The following PTDSS2 variants were observed in gnomAD, a reference collection of about 807,000 sequenced individuals.
The protein encoded by PTDSS2 is PSS-2.
Under a neutral mutation model 64.7 loss-of-function variants are expected in PTDSS2, and 41 were observed. The observed-to-expected ratio is 0.63, with a 90% CI of 0.49 to 0.82. The LOEUF (loss-of-function observed/expected upper bound fraction) is 0.82, where lower values mean the gene tolerates loss of function less well. Ranked by LOEUF, PTDSS2 falls within the 40% of genes least tolerant of loss-of-function variation. The probability of loss-of-function intolerance (pLI) is 0.00; values close to 1 mark genes in which losing one functional copy is unlikely to be tolerated. For missense variants in PTDSS2, 485 were observed against 650.0 expected, an observed-to-expected ratio of 0.75 and a Z score of 2.76; for synonymous variants, 297 against 277.8, an observed-to-expected ratio of 1.07 and a Z score of -0.69.
intron 1 of PTDSS2, among the ~76,000 whole-genome samples, chr11:455,812 A>G (rs1846561897): frequency 6.6e-6 from 1 of 152,150 alleles, no homozygotes; most frequent in Non-Finnish European, 1.5e-5. Context: ...TTTTCTCTAT[A>G]ACGTGTAGGG....
At chr11:478,472 C>T (rs550588739) in intron 3 of PTDSS2, among the ~76,000 whole-genome samples, 265 of 151,442 alleles carry the variant, frequency 1.7e-3, no homozygotes, top group Admixed American at 2.7e-3. Flanking sequence ...AGTGGCCAGC[C>T]ACAGTAGCTC....
intron 8 of PTDSS2, 190 bp from the exon 9 acceptor site, chr11:489,209 CG>C (rs1199835321): frequency 6.6e-6 from 4 of 606,232 alleles, no homozygotes; most frequent in African/African-American, 5.5e-5. Context: ...GGAGAACAGC[CG>C]GGCAGCAGCT....
chr11:459,974 T>G, intron 1 of PTDSS2: 1 of 550,608 alleles, frequency 1.8e-6, no homozygotes, highest in Non-Finnish European at 3.3e-6. Flanking sequence ...CTGTCCAGCC[T>G]CCTGGGGGCT....
chr11:470,293 G>A lies in PTDSS2; in HGVS notation c.285-3602G>A, dbSNP rs558064218. On this transcript the variant is annotated intron_variant, in intron 2 of 11. Coordinates refer to ENST00000308020, the MANE Select transcript of PTDSS2 (RefSeq NM_030783.3). This position sits in a 1 kb window ranked among gnomAD's most constrained non-coding sequence, Gnocchi z 5.3. ...GCTGCTGCCCCATCCTCCCAACCCC[G>A]ACGACCCCAGCCCGGCCATGCAGAG... Among the ~76,000 whole-genome samples the A allele has an allele frequency of 2.0e-5, 3 of 152,282 alleles. No homozygotes were observed. Among genetic ancestry groups the A allele is most frequent in the South Asian group, 2.1e-4 (1 of 4,826 alleles).
intron 2 of PTDSS2, among the ~76,000 whole-genome samples, chr11:471,714 G>A (rs1402648311): frequency 6.7e-6 from 1 of 149,496 alleles, no homozygotes; most frequent in Admixed American, 6.7e-5. Context: ...GTGGCCTGGG[G>A]TGACGTGGAT....
chr11:490,803 TGTGTACGC>T lies in PTDSS2; in HGVS notation c.*223_*230del. The T allele has an allele frequency of 1.7e-6, 1 of 577,672 alleles. No homozygotes were observed. The highest frequency in any genetic ancestry group is 3.1e-6 in the Non-Finnish European group (1 of 327,610). 35.8% of individuals were successfully genotyped at this position (577,672 alleles called of 1,614,324 possible). On this transcript the variant is annotated 3_prime_UTR_variant, in exon 12 of 12. Transcript: ENST00000308020. Reference sequence around the variant, plus strand: ...ACGTGTGTATGCGTGTGTGTACGCGTGTGTACGCGCGTGTGTACACATGCGTGGCCGCC... The same window carrying T: ...ACGTGTGTATGCGTGTGTGTACGCGTGCGTGTGTACACATGCGTGGCCGCC...
intron 4 of PTDSS2, among the ~76,000 whole-genome samples, chr11:481,449 T>A (rs1190040771): frequency 6.6e-6 from 1 of 152,230 alleles, no homozygotes; most frequent in African/African-American, 2.4e-5. Context: ...GGGAGTAGTG[T>A]CATCCTGACA....
rs189011735 is a variant in PTDSS2, at chr11:480,953, G to A, written c.435+1801G>A. On this transcript the variant is annotated intron_variant, in intron 4 of 11. Transcript: ENST00000308020. ...TAAAAAATTAGCCGGGCGTGGTCGC[G>A]GGCGCCTGTAGTCCCAGCTGCTCGG... Among the ~76,000 whole-genome samples, 7 of 152,074 alleles carry A rather than the reference G, an allele frequency of 4.6e-5. No homozygotes were observed. In the East Asian group the frequency reaches 5.8e-4, roughly 13 times the overall value.
rs779109748 is a variant in PTDSS2 at position 461,409 on chromosome 11, C to A, written c.284+1121C>A. On this transcript the variant is annotated intron_variant, in intron 2 of 11. Transcript: ENST00000308020. The surrounding 1 kb of genome is among the most constrained non-coding windows in gnomAD (Gnocchi z 4.2). ...CGCACAGCAGACCTCATAACTGAGT[C>A]CATCTCCCTGGGGGCAGTGGGGCAT... Among the ~76,000 whole-genome samples, 5 of 152,126 alleles carry A rather than the reference C, an allele frequency of 3.3e-5. No individual in the cohort carries two copies. The highest frequency in any genetic ancestry group is 7.4e-5 in the Non-Finnish European group (5 of 68,018).
intron 1 of PTDSS2, among the ~76,000 whole-genome samples, chr11:454,874 T>C (rs947045215): frequency 1.3e-5 from 2 of 152,236 alleles, no homozygotes; most frequent in Non-Finnish European, 2.9e-5. Flanking sequence ...TTGGTGCTGG[T>C]GGGACACAGG....
In PTDSS2 at chr11:461,280, G is replaced by A. The variant is rs115722700; in HGVS notation, c.284+992G>A. ...TGAACGTCATCACGCTTGCACGGGC[G>A]TTGGTGGCCCTGTTTGCCCACTGAT... On this transcript the variant is annotated intron_variant, in intron 2 of 11. Coordinates refer to ENST00000308020, the MANE Select transcript of PTDSS2 (RefSeq NM_030783.3). This position sits in a 1 kb window ranked among gnomAD's most constrained non-coding sequence, Gnocchi z 4.2. Among the ~76,000 whole-genome samples, 2,815 of 152,334 alleles carry A rather than the reference G, an allele frequency of 0.018. 85 individuals carry two copies. Among genetic ancestry groups the A allele is most frequent in the African/African-American group, 0.064 (2,643 of 41,568 alleles).
rs1031119916 is a variant in PTDSS2, at chr11:459,801, T to G, written c.183-386T>G. On this transcript the variant is annotated intron_variant, in intron 1 of 11. Coordinates refer to ENST00000308020, the MANE Select transcript of PTDSS2 (RefSeq NM_030783.3). Reference sequence around the variant, plus strand: ...GCTGCACTGAATCTCAGATGTTATTTCATGAACCCAAAGAGTTGTTGTCTC... The same window carrying G: ...GCTGCACTGAATCTCAGATGTTATTGCATGAACCCAAAGAGTTGTTGTCTC... 3 of 208,044 alleles carry G rather than the reference T, an allele frequency of 1.4e-5. No individual in the cohort carries two copies. In the East Asian group the frequency reaches 4.0e-4, roughly 28 times the overall value. The allele number at this position is 208,044 out of a possible 1,614,324, so 12.9% of individuals were successfully genotyped here.
intron 2 of PTDSS2, among the ~76,000 whole-genome samples, chr11:471,670 C>T (rs72479382): frequency 0.22 from 32,533 of 148,006 alleles, 3,637 homozygotes; most frequent in African/African-American, 0.32. Flanking sequence ...TGGTGGATGG[C>T]GGCCTGGGGT....
At chr11:473,764 C>G (rs940660197) in intron 2 of PTDSS2, 131 bp from the exon 3 acceptor site, 1 of 741,992 alleles carries the variant, frequency 1.3e-6, no homozygotes, top group South Asian at 1.5e-5. Context: ...CAGCTCTGCC[C>G]GAGGCCCCTT....
At chr11:472,529 G>A in intron 2 of PTDSS2, among the ~76,000 whole-genome samples, 1 of 152,224 alleles carries the variant, frequency 6.6e-6, no homozygotes, top group East Asian at 1.9e-4. Context: ...GTCCTGCCGA[G>A]GGTGAGACCC....
intron 1 of PTDSS2, among the ~76,000 whole-genome samples, chr11:458,325 C>T (rs1385711592): frequency 1.3e-5 from 2 of 151,670 alleles, no homozygotes; most frequent in Non-Finnish European, 2.9e-5. Context: ...CTGCCTCAGC[C>T]TCCCGAGTAG....
chr11:490,780 G>C lies in PTDSS2; in HGVS notation c.*198G>C. On this transcript the variant is annotated 3_prime_UTR_variant, in exon 12 of 12. Transcript: ENST00000308020. Reference sequence around the variant, plus strand: ...CATCTCCATGTGTACACGTGTGTACGTGTGTATGCGTGTGTGTACGCGTGT... The same window carrying C: ...CATCTCCATGTGTACACGTGTGTACCTGTGTATGCGTGTGTGTACGCGTGT... 1.6e-6 allele frequency: 1 copy of C among 611,072 alleles called. No individual in the cohort carries two copies. Among genetic ancestry groups the C allele is most frequent in the Non-Finnish European group, 2.9e-6 (1 of 348,374 alleles). The allele number at this position is 611,072 out of a possible 1,614,324, so 37.9% of individuals were successfully genotyped here.
In PTDSS2 at chr11:460,277, C is replaced by T; in HGVS notation, c.273C>T (p.Tyr91=). 6.2e-7 allele frequency: 1 copy of T among 1,613,810 alleles called. No individual in the cohort carries two copies. Among genetic ancestry groups the T allele is most frequent in the Non-Finnish European group, 8.5e-7 (1 of 1,179,666 alleles). ...AGGAAACACCTCAGGACACGGCCTACAACACCAAGAGGTAAGCTGCCCTCT... is the reference window on the plus strand; with the variant it reads ...AGGAAACACCTCAGGACACGGCCTATAACACCAAGAGGTAAGCTGCCCTCT... ...LLEETPQDTA[Y]NTKRGIVASI... Residue 91 remains tyrosine, a synonymous_variant, in exon 2 of 12, where the codon TAC becomes TAT. Coordinates refer to ENST00000308020, the MANE Select transcript of PTDSS2 (RefSeq NM_030783.3). The surrounding 1 kb of genome is among the most constrained non-coding windows in gnomAD (Gnocchi z 5.8).
chr11:457,616 C>T (rs768824288), intron 1 of PTDSS2, among the ~76,000 whole-genome samples: 3 of 152,192 alleles, frequency 2.0e-5, no homozygotes, highest in African/African-American at 4.8e-5. Context: ...CTCCGCTGGT[C>T]GGAGGGACCA....
Sources: gnomAD v4.1 joint callset for allele counts (sites outside exome capture counted in the v4.1 genomes callset) on GRCh38, gnomAD v4.1.1 for gene constraint, Gnocchi (gnomAD v3.1) non-coding constraint, MANE v1.5 for transcripts, NCBI Gene and HGNC (gene_info 2026-07-23, HGNC 2026-07-21) for gene names.